The following EPM2A variants were observed in gnomAD, a reference collection of about 807,000 sequenced individuals.
EPM2A encodes the protein laforin.
Under a neutral mutation model 26.5 loss-of-function variants are expected in EPM2A, and 21 were observed. The ratio of observed to expected loss-of-function variants is 0.79; its 90% CI spans 0.56 to 1.14. The LOEUF (loss-of-function observed/expected upper bound fraction) is 1.14, where lower values mean the gene tolerates loss of function less well. Among genes scored for constraint, EPM2A ranks in the 50% most tolerant of loss-of-function variants. The pLI, the probability that EPM2A is intolerant of heterozygous loss-of-function variation, is 0.00. For missense variants in EPM2A, 458 were observed against 440.8 expected, an observed-to-expected ratio of 1.04 and a Z score of -0.35; for synonymous variants, 217 against 177.6, an observed-to-expected ratio of 1.22 and a Z score of -1.76.
downstream of EPM2A, among the ~76,000 whole-genome samples, chr6:145,496,773 C>T (rs1779827096): frequency 7.8e-6 from 1 of 129,008 alleles, no homozygotes; most frequent in Non-Finnish European, 1.6e-5. Context: ...CTCTGTCGCC[C>T]AGGCCGGACT....
rs1328166993 is a variant in EPM2A, at chr6:145,664,243, T to C, written c.476+21879A>G. ...GCAAGTTGGATAGAGTCAAGACCCA[T>C]CAGTGTGCTGTATTCAGGAAACCCA... is the stretch of plus-strand genomic sequence containing the variant. On this transcript the variant is annotated intron_variant, in intron 2 of 3. Transcript: ENST00000367519. Among the ~76,000 whole-genome samples the C allele has an allele frequency of 4.6e-5, 4 of 86,166 alleles. 1 individual carries two copies. 56.5% of individuals were successfully genotyped at this position (86,166 alleles called of 152,430 possible).
At chr6:145,398,680 C>T (rs145272307) in intron 4 of EPM2A, among the ~76,000 whole-genome samples, 3 of 152,078 alleles carry the variant, frequency 2.0e-5, no homozygotes, top group African/African-American at 4.8e-5. Context: ...ACCAACATGG[C>T]GAAACCCCAT....
At chr6:145,461,923 G>A (rs1418650833) in intron 4 of EPM2A, among the ~76,000 whole-genome samples, 2 of 152,176 alleles carry the variant, frequency 1.3e-5, no homozygotes, top group Admixed American at 6.6e-5. Flanking sequence ...GGATATGGGC[G>A]TGTAAAGGAA....
chr6:145,698,047 G>A (rs1161726608), intron 1 of EPM2A, among the ~76,000 whole-genome samples: 2 of 152,112 alleles, frequency 1.3e-5, no homozygotes, highest in Non-Finnish European at 2.9e-5. Flanking sequence ...AGTAAAGACA[G>A]GCATAAGAAA....
rs1013670333 is a variant in EPM2A, at chr6:145,627,000, T to A, written c.*416A>T. On this transcript the variant is annotated 3_prime_UTR_variant, in exon 4 of 4. Coordinates refer to ENST00000367519, the MANE Select transcript of EPM2A (RefSeq NM_005670.4). ...GGCAACTGACCAGCTCACGCACACA[T>A]ACTAGTGATGAAATCCACATAACTC... 22 of 1,102,816 alleles carry A rather than the reference T, an allele frequency of 2.0e-5. No homozygotes were observed. The highest frequency in any genetic ancestry group is 2.4e-5 in the Non-Finnish European group (22 of 900,358). 68.3% of individuals were successfully genotyped at this position (1,102,816 alleles called of 1,614,324 possible).
At chr6:145,434,112 C>T (rs897514271) in intron 4 of EPM2A, among the ~76,000 whole-genome samples, 2 of 152,020 alleles carry the variant, frequency 1.3e-5, no homozygotes, top group Admixed American at 6.6e-5. Flanking sequence ...TTCCTTTGGA[C>T]ACTTCAAAGA....
intron 4 of EPM2A, chr6:145,490,086 G>T: frequency 7.8e-7 from 1 of 1,278,486 alleles, no homozygotes; most frequent in Non-Finnish European, 1.1e-6. Flanking sequence ...GGTAGCACAC[G>T]CACCTTCCCA....
chr6:145,464,558 A>C (rs1037215458), intron 4 of EPM2A, among the ~76,000 whole-genome samples: 3 of 152,118 alleles, frequency 2.0e-5, no homozygotes, highest in Non-Finnish European at 4.4e-5. Context: ...AATGAAGTTA[A>C]GCATCTTTTA....
intron 4 of EPM2A, among the ~76,000 whole-genome samples, chr6:145,424,699 A>G (rs1778829705): frequency 6.6e-6 from 1 of 152,194 alleles, no homozygotes; most frequent in African/African-American, 2.4e-5. Context: ...CAGAGGGGCC[A>G]TCACGTGTGG....
chr6:145,676,402 A>C (rs998419383), intron 2 of EPM2A, among the ~76,000 whole-genome samples: 3 of 152,198 alleles, frequency 2.0e-5, no homozygotes, highest in African/African-American at 7.2e-5. Context: ...AAAAGGTAGC[A>C]GAAGGCAAGA....
chr6:145,735,223 C>G lies in EPM2A; in HGVS notation c.276G>C (p.Glu92Asp). Residue 92 changes from glutamate to aspartate, a missense_variant, in exon 1 of 4, where the codon GAG becomes GAC. Glu to Asp is a conservative substitution (Grantham distance 45). Transcript: ENST00000367519. ...DTFWYKFLKR[E>D]PGGELSWEGN... ...CTTCCCAGGAGAGCTCTCCTCCCGG[C>G]TCCCGCTTCAGGAACTTGTACCAGA... 6.5e-7 allele frequency: 1 copy of G among 1,536,084 alleles called. No homozygotes were observed. Among genetic ancestry groups the G allele is most frequent in the Non-Finnish European group, 8.8e-7 (1 of 1,140,136 alleles).
chr6:145,433,239 G>T (rs1278593964), intron 4 of EPM2A, among the ~76,000 whole-genome samples: 1 of 152,180 alleles, frequency 6.6e-6, no homozygotes, highest in African/African-American at 2.4e-5. Context: ...TGGTACAAGA[G>T]ACCTAGCTTT....
At chr6:145,728,244 C>G (rs577897229) in intron 1 of EPM2A, among the ~76,000 whole-genome samples, 8 of 152,148 alleles carry the variant, frequency 5.3e-5, no homozygotes, top group Non-Finnish European at 1.0e-4. Context: ...AGGTGCATTA[C>G]TATAAAGATA....
chr6:145,619,498 C>T (rs1478710896), intron 2 of EPM2A, among the ~76,000 whole-genome samples: 1 of 152,200 alleles, frequency 6.6e-6, no homozygotes. Flanking sequence ...GAAGATGTGA[C>T]TCAGAATACC....
chr6:145,404,981 A>G (rs1412733129), intron 4 of EPM2A, among the ~76,000 whole-genome samples: 1 of 152,170 alleles, frequency 6.6e-6, no homozygotes, highest in Admixed American at 6.6e-5. Flanking sequence ...CACAAACTGC[A>G]TGATGATTTT....
At chr6:145,634,137 A>T (rs989669888) in intron 3 of EPM2A, among the ~76,000 whole-genome samples, 5 of 152,126 alleles carry the variant, frequency 3.3e-5, no homozygotes, top group Admixed American at 2.0e-4. Context: ...CCAGCAGAGG[A>T]GGTCATCAAA....
At chr6:145,694,749 G>A (rs1781476962) in intron 1 of EPM2A, among the ~76,000 whole-genome samples, 2 of 151,986 alleles carry the variant, frequency 1.3e-5, no homozygotes, top group South Asian at 2.1e-4. Flanking sequence ...TATTTAATGT[G>A]AAGTTTTATG....
At chr6:145,489,247 C>T in intron 4 of EPM2A, among the ~76,000 whole-genome samples, 1 of 152,204 alleles carries the variant, frequency 6.6e-6, no homozygotes, top group Non-Finnish European at 1.5e-5. Context: ...TATTAGAATA[C>T]ATAAACTTGT....
intron 2 of EPM2A, chr6:145,635,698 G>C (rs1232462166): frequency 5.5e-6 from 3 of 548,966 alleles, no homozygotes; most frequent in African/African-American, 1.9e-5. Flanking sequence ...CAATTAACTA[G>C]AACGCCAGGA....
Sources: allele counts gnomAD v4.1 joint callset (sites outside exome capture counted in the v4.1 genomes callset), GRCh38; gene constraint gnomAD v4.1.1; transcripts MANE v1.5; gene names NCBI Gene and HGNC (gene_info 2026-07-23, HGNC 2026-07-21).